Variants in AHCYL2 observed in about 807,000 individuals in gnomAD.
AHCYL2 encodes the protein S-adenosylhomocysteine hydrolase-like protein 2.
A neutral mutation model predicts 81.4 loss-of-function variants in AHCYL2; 28 were observed. The observed-to-expected ratio is 0.34, with a 90% CI of 0.25 to 0.47. The LOEUF (loss-of-function observed/expected upper bound fraction) is 0.47, where lower values mean the gene tolerates loss of function less well. AHCYL2 is among the 20% of genes least tolerant of loss of function. AHCYL2 has a pLI of 1.00. For missense variants in AHCYL2, 551 were observed against 785.1 expected (o/e 0.70, Z 3.56); for synonymous variants, 272 against 290.2 (o/e 0.94, Z 0.64).
chr7:129,320,069 G>A (rs187538405), intron 1 of AHCYL2, among the ~76,000 whole-genome samples: 4 of 152,138 alleles, frequency 2.6e-5, no homozygotes, highest in East Asian at 1.9e-4. Flanking sequence ...CATTTTAGTC[G>A]TTCTAATGGG....
intron 1 of AHCYL2, among the ~76,000 whole-genome samples, chr7:129,316,326 A>G (rs1797823250): frequency 6.6e-6 from 1 of 152,222 alleles, no homozygotes; most frequent in Admixed American, 6.5e-5. Context: ...ACACTCCCAA[A>G]TATTTGAAGG....
intron 1 of AHCYL2, among the ~76,000 whole-genome samples, chr7:129,304,463 G>C (rs771247068): frequency 3.3e-5 from 5 of 152,178 alleles, no homozygotes; most frequent in Non-Finnish European, 4.4e-5. Context: ...TGATCTGTCC[G>C]ATGCTGAAAA....
At chr7:129,341,087 A>G (rs1310739866) in intron 1 of AHCYL2, among the ~76,000 whole-genome samples, 1 of 152,198 alleles carries the variant, frequency 6.6e-6, no homozygotes, top group Non-Finnish European at 1.5e-5. Context: ...AGAAAAACAA[A>G]GTTTTTCTTT....
chr7:129,358,645 A>C (rs117870703), intron 1 of AHCYL2, among the ~76,000 whole-genome samples: 2,688 of 152,310 alleles, frequency 0.018, 29 homozygotes, highest in Non-Finnish European at 0.027. Context: ...GTTTGAGATA[A>C]TGAAAAAGTT....
chr7:129,336,421 G>A (rs1417728856), intron 1 of AHCYL2, among the ~76,000 whole-genome samples: 1 of 152,048 alleles, frequency 6.6e-6, no homozygotes, highest in Non-Finnish European at 1.5e-5. Flanking sequence ...CAAAAGAAAT[G>A]TGTTTAAAAT....
At chr7:129,345,186 A>C (rs1408746186) in intron 1 of AHCYL2, among the ~76,000 whole-genome samples, 1 of 152,188 alleles carries the variant, frequency 6.6e-6, no homozygotes, top group African/African-American at 2.4e-5. Flanking sequence ...GGTAAGAAGG[A>C]AGCTGTGCAT....
chr7:129,327,849 A>G (rs1005305729), intron 1 of AHCYL2, among the ~76,000 whole-genome samples: 2 of 151,996 alleles, frequency 1.3e-5, no homozygotes, highest in Non-Finnish European at 2.9e-5. Flanking sequence ...GCTGTAGTGC[A>G]GTGATGTGAT....
At chr7:129,291,235 G>T (rs1796842814) in intron 1 of AHCYL2, among the ~76,000 whole-genome samples, 2 of 151,984 alleles carry the variant, frequency 1.3e-5, no homozygotes, top group Admixed American at 1.3e-4. Context: ...CCAAAATTTT[G>T]CAGGGAAGTA....
intron 1 of AHCYL2, among the ~76,000 whole-genome samples, chr7:129,256,542 A>ACCCCCC: frequency 1.7e-5 from 1 of 58,500 alleles, no homozygotes; most frequent in African/African-American, 7.5e-5. Flanking sequence ...CCCGCCCCCC[A>ACCCCCC]CCCCCCACCC....
rs1055431851 is a variant in AHCYL2 at position 129,308,802 on chromosome 7, G to T, written c.364-70836G>T. On this transcript the variant is annotated intron_variant, in intron 1 of 16. Coordinates refer to ENST00000325006, the MANE Select transcript of AHCYL2 (RefSeq NM_015328.4). The stretch of plus-strand genomic sequence containing the variant: ...GAGGAGCATGTGGGGTTGGTATTGG[G>T]TGCCCTGGGCCACATGATCTGGGCA... Among the ~76,000 whole-genome samples, 5 of 152,320 alleles carry T rather than the reference G, an allele frequency of 3.3e-5. No homozygotes were observed. In the East Asian group the frequency reaches 9.6e-4, roughly 29 times the overall value.
intron 1 of AHCYL2, among the ~76,000 whole-genome samples, chr7:129,271,565 G>A (rs1003735217): frequency 1.3e-5 from 2 of 151,954 alleles, no homozygotes; most frequent in Non-Finnish European, 2.9e-5. Context: ...AAGGAAGGAA[G>A]CCAGATGTAA....
chr7:129,361,816 G>T (rs548107676), intron 1 of AHCYL2, among the ~76,000 whole-genome samples: 6 of 151,674 alleles, frequency 4.0e-5, no homozygotes, highest in Admixed American at 3.3e-4. Context: ...TAAGAGATGG[G>T]GTTTTGCTAT....
chr7:129,415,709 G>C (rs547957187), intron 12 of AHCYL2, among the ~76,000 whole-genome samples: 2 of 151,984 alleles, frequency 1.3e-5, no homozygotes, highest in South Asian at 4.2e-4. Flanking sequence ...CCAGCACTTT[G>C]GGAGGCCAAG....
At chr7:129,325,917 T>C (rs1289540380) in intron 1 of AHCYL2, among the ~76,000 whole-genome samples, 1 of 151,960 alleles carries the variant, frequency 6.6e-6, no homozygotes, top group African/African-American at 2.4e-5. Flanking sequence ...GTTGGCTAGG[T>C]TGGCCTCAAA....
intron 1 of AHCYL2, among the ~76,000 whole-genome samples, chr7:129,281,108 C>T (rs536309344): frequency 1.4e-4 from 21 of 152,166 alleles, no homozygotes; most frequent in Non-Finnish European, 2.6e-4. Flanking sequence ...CATGATCTGC[C>T]CACCTTGGCC....
Position 129,427,211 on chromosome 7 carries a change from G to A in AHCYL2, c.*166G>A. 1 of 727,050 alleles carries A rather than the reference G, an allele frequency of 1.4e-6. No homozygotes were observed. Among genetic ancestry groups the A allele is most frequent in the Non-Finnish European group, 2.2e-6 (1 of 453,856 alleles). The allele number at this position is 727,050 out of a possible 1,614,324, so 45.0% of individuals were successfully genotyped here. On this transcript the variant is annotated 3_prime_UTR_variant, in exon 17 of 17. Coordinates refer to ENST00000325006, the MANE Select transcript of AHCYL2 (RefSeq NM_015328.4). This position sits in a 1 kb window ranked among gnomAD's most constrained non-coding sequence, Gnocchi z 5.5. ...TATTAAAATCAAGAATCCTGTGCCT[G>A]TAGTGTTGGCCCAGAGTGTGGTTAC...
intron 1 of AHCYL2, among the ~76,000 whole-genome samples, chr7:129,309,579 A>G (rs1335891132): frequency 6.6e-6 from 1 of 152,144 alleles, no homozygotes; most frequent in Non-Finnish European, 1.5e-5. Flanking sequence ...TATGGTTACA[A>G]ATGGTTCATC....
chr7:129,335,121 C>T (rs1043514174), intron 1 of AHCYL2, among the ~76,000 whole-genome samples: 5 of 152,162 alleles, frequency 3.3e-5, no homozygotes, highest in African/African-American at 1.2e-4. Context: ...GTGGCTCATG[C>T]CTGTAATCCC....
intron 7 of AHCYL2, among the ~76,000 whole-genome samples, chr7:129,404,326 G>C (rs1563238690): frequency 6.6e-6 from 1 of 151,922 alleles, no homozygotes; most frequent in Non-Finnish European, 1.5e-5. Flanking sequence ...TTCAATTTCT[G>C]TGATCATTTC....
Sources: allele counts gnomAD v4.1 joint callset (sites outside exome capture counted in the v4.1 genomes callset), GRCh38; gene constraint gnomAD v4.1.1; non-coding constraint Gnocchi (gnomAD v3.1); transcripts MANE v1.5; gene names NCBI Gene and HGNC (gene_info 2026-07-23, HGNC 2026-07-21).